UGGT2: variants seen among roughly 807,000 people sequenced by gnomAD.
UGGT2 encodes the protein UDP-glucose:glycoprotein glucosyltransferase 2.
UGGT2 carries 180 observed loss-of-function variants against 192.1 expected under a neutral mutation model. The observed-to-expected ratio is 0.94, with a 90% confidence interval of 0.83 to 1.06. The LOEUF (loss-of-function observed/expected upper bound fraction) is 1.06, where lower values mean the gene tolerates loss of function less well. Among genes scored for constraint, UGGT2 ranks in the 50% least tolerant of loss-of-function variants. The probability of loss-of-function intolerance (pLI) is 0.00; values close to 1 mark genes in which losing one functional copy is unlikely to be tolerated. For missense variants in UGGT2, 1,849 were observed against 1,795.7 expected (o/e 1.03, Z -0.54); for synonymous variants, 580 against 591.0 (o/e 0.98, Z 0.27).
intron 38 of UGGT2, among the ~76,000 whole-genome samples, chr13:95,816,985 G>A (rs1040044031): frequency 1.3e-5 from 2 of 152,096 alleles, no homozygotes; most frequent in African/African-American, 4.8e-5. Flanking sequence ...AAATTATCCA[G>A]GCATGTTGGC....
chr13:95,990,358 A>T (rs2051418095), intron 7 of UGGT2: 1 of 176,176 alleles, frequency 5.7e-6, no homozygotes, highest in South Asian at 2.0e-4. Context: ...GGGCAGACTT[A>T]TGTTTTCATA....
At chr13:96,027,457 C>A (rs2052703167) in intron 2 of UGGT2, among the ~76,000 whole-genome samples, 1 of 152,182 alleles carries the variant, frequency 6.6e-6, no homozygotes, top group Non-Finnish European at 1.5e-5. Flanking sequence ...TCACCAACCA[C>A]CTGCTAAAAA....
chr13:95,802,036 G>A, intron 38 of UGGT2, among the ~76,000 whole-genome samples: 1 of 152,128 alleles, frequency 6.6e-6, no homozygotes, highest in East Asian at 1.9e-4. Context: ...CCTAGAATGT[G>A]AGCTCCCATG....
At chr13:95,817,272 T>C (rs72636539) in intron 38 of UGGT2, among the ~76,000 whole-genome samples, 11,377 of 152,074 alleles carry the variant, frequency 0.075, 599 homozygotes, top group Non-Finnish European at 0.12. Flanking sequence ...ACTCAAAAGT[T>C]AGAAAAATTT....
chr13:96,010,546 C>T (rs150463878), intron 5 of UGGT2, among the ~76,000 whole-genome samples: 32 of 151,966 alleles, frequency 2.1e-4, no homozygotes, highest in Middle Eastern at 6.8e-3. Context: ...GACTAGAAGT[C>T]TTAATCATTA....
intron 5 of UGGT2, among the ~76,000 whole-genome samples, chr13:96,009,167 A>C (rs1245757196): frequency 6.6e-6 from 1 of 152,156 alleles, no homozygotes; most frequent in Middle Eastern, 3.2e-3. Context: ...GGACTCCTTC[A>C]TTATGCCATA....
At chr13:96,031,017 C>G (rs2052817238) in intron 2 of UGGT2, among the ~76,000 whole-genome samples, 1 of 152,080 alleles carries the variant, frequency 6.6e-6, no homozygotes, top group South Asian at 2.1e-4. Context: ...CGTATAACAG[C>G]AAGATTGAAC....
Position 95,895,247 on chromosome 13 carries a change from T to C in UGGT2, c.2692A>G (p.Ile898Val). ...TTCTCTCCTAAATTACTAAATGTTA[T>C]CTTTTCCAACAAGTAAAAATCTTCT... ...YAEDFYLLEKITFSNLGEKIK... is the reference protein window; with the variant it reads ...YAEDFYLLEKVTFSNLGEKIK... The change falls in exon 23 of 39, where the codon ATA becomes GTA. Residue 898 changes from isoleucine (I) to valine (V), a missense_variant. Transcript: ENST00000376747. 3 of 1,570,144 alleles carry C rather than the reference T, an allele frequency of 1.9e-6. No homozygotes were observed. The highest frequency in any genetic ancestry group is 1.4e-5 in the African/African-American group (1 of 73,022).
At chr13:95,900,437 G>C (rs2048071268) in intron 22 of UGGT2, among the ~76,000 whole-genome samples, 1 of 152,042 alleles carries the variant, frequency 6.6e-6, no homozygotes, top group African/African-American at 2.4e-5. Flanking sequence ...ACAACTGTAG[G>C]AACAAGAAGA....
At chr13:95,931,564 G>C (rs1039325526) in intron 17 of UGGT2, among the ~76,000 whole-genome samples, 5 of 151,984 alleles carry the variant, frequency 3.3e-5, no homozygotes, top group African/African-American at 1.2e-4. Context: ...GTGGGGGTGG[G>C]GGGGAGGCTC....
chr13:95,836,414 T>C lies in UGGT2; in HGVS notation c.4401+672A>G, dbSNP rs1248387063. ...GTTAATACAGAAAGCCTGAAATTGCTATTCTTAGAAAGACCTGCTTGTAAG... is the reference window on the plus strand; with the variant it reads ...GTTAATACAGAAAGCCTGAAATTGCCATTCTTAGAAAGACCTGCTTGTAAG... On this transcript the variant is annotated intron_variant, in intron 37 of 38. Coordinates refer to ENST00000376747, the MANE Select transcript of UGGT2 (RefSeq NM_020121.4). Among the ~76,000 whole-genome samples the C allele has an allele frequency of 1.3e-5, 2 of 152,184 alleles. 1 individual carries two copies. Among genetic ancestry groups the C allele is most frequent in the African/African-American group, 4.8e-5 (2 of 41,448 alleles).
chr13:95,954,852 G>A (rs923580666), intron 12 of UGGT2, among the ~76,000 whole-genome samples: 2 of 152,166 alleles, frequency 1.3e-5, no homozygotes, highest in African/African-American at 4.8e-5. Context: ...GGCTCCAAAT[G>A]AATCTCTTCA....
chr13:95,878,558 TTATAA>T (rs1255174906), intron 27 of UGGT2, among the ~76,000 whole-genome samples: 2 of 152,172 alleles, frequency 1.3e-5, no homozygotes, highest in East Asian at 1.9e-4. Flanking sequence ...ATTGCAAATG[TTATAA>T]TAAATATTTT....
At chr13:95,973,984 C>T (rs1450166493) in intron 10 of UGGT2, among the ~76,000 whole-genome samples, 1 of 152,146 alleles carries the variant, frequency 6.6e-6, no homozygotes, top group Non-Finnish European at 1.5e-5. Context: ...TGTATTTCAA[C>T]ATCATATGAT....
intron 26 of UGGT2, 82 bp downstream of exon 26, chr13:95,887,810 C>G: frequency 1.2e-6 from 1 of 825,596 alleles, no homozygotes; most frequent in Non-Finnish European, 2.0e-6. Flanking sequence ...AAAGAAAAAA[C>G]CAGGTCCAGT....
At chr13:95,987,395 C>G (rs2051322197) in intron 8 of UGGT2, among the ~76,000 whole-genome samples, 1 of 152,138 alleles carries the variant, frequency 6.6e-6, no homozygotes, top group Non-Finnish European at 1.5e-5. Context: ...AGGGAGTCAA[C>G]TAGAACTAAG....
chr13:95,952,187 C>T (rs2050085477), intron 12 of UGGT2, among the ~76,000 whole-genome samples: 1 of 151,532 alleles, frequency 6.6e-6, no homozygotes, highest in Admixed American at 6.6e-5. Context: ...TGAGGGCTAT[C>T]TCTGAAAAAC....
chr13:96,024,569 T>C (rs7983589), intron 2 of UGGT2, among the ~76,000 whole-genome samples: 64,929 of 152,004 alleles, frequency 0.43, 14,131 homozygotes, highest in Non-Finnish European at 0.46. Context: ...AACTGTAATG[T>C]CATTCCAGGG....
At chr13:95,824,945 T>A (rs1221990077) in intron 38 of UGGT2, among the ~76,000 whole-genome samples, 1 of 152,192 alleles carries the variant, frequency 6.6e-6, no homozygotes, top group Non-Finnish European at 1.5e-5. Context: ...ACAGCATTTT[T>A]AATTTCTTCT....
Sources: gnomAD v4.1 joint callset for allele counts (sites outside exome capture counted in the v4.1 genomes callset) on GRCh38, gnomAD v4.1.1 for gene constraint, MANE v1.5 for transcripts, NCBI Gene and HGNC (gene_info 2026-07-23, HGNC 2026-07-21) for gene names.